TTLL7: variants seen among roughly 807,000 people sequenced by gnomAD.
TTLL7 encodes tubulin tyrosine ligase like 7, also known as tubulin polyglutamylase TTLL7.
In TTLL7, 53 loss-of-function variants were observed where a neutral mutation model predicts 120.2. The ratio of observed to expected loss-of-function variants is 0.44; its 90% CI spans 0.35 to 0.55. TTLL7 has a LOEUF of 0.55. TTLL7 is among the 20% of genes least tolerant of loss of function. The pLI, the probability that TTLL7 is intolerant of heterozygous loss-of-function variation, is 0.00. For synonymous variants in TTLL7, 353 were observed against 351.7 expected (o/e 1.00, Z -0.04); for missense variants, 803 against 1,054.7 (o/e 0.76, Z 3.31).
At chr1:83,977,592 T>A (rs1208189535) in intron 1 of TTLL7, among the ~76,000 whole-genome samples, 2 of 152,156 alleles carry the variant, frequency 1.3e-5, no homozygotes, top group African/African-American at 2.4e-5. Context: ...ACATCTCTAA[T>A]TCATCTCAGG....
At chr1:83,877,303 A>T (rs1409010229) in intron 20 of TTLL7, among the ~76,000 whole-genome samples, 1 of 151,950 alleles carries the variant, frequency 6.6e-6, no homozygotes, top group African/African-American at 2.4e-5. Flanking sequence ...GGAGTTTTGC[A>T]TCTATGTTTA....
At chr1:83,870,127 A>T (rs1653216655) in intron 20 of TTLL7, 45 bp from the exon 21 acceptor site, 1 of 1,515,200 alleles carries the variant, frequency 6.6e-7, no homozygotes, top group Non-Finnish European at 8.8e-7. Context: ...AGCAAATTAT[A>T]ACTAACTCAC....
chr1:83,988,432 CTGTTT>C (rs1221645037), intron 1 of TTLL7, among the ~76,000 whole-genome samples: 2 of 152,072 alleles, frequency 1.3e-5, no homozygotes, highest in Non-Finnish European at 2.9e-5. Flanking sequence ...AATAGTAGTT[CTGTTT>C]TAAGTTATTT....
intron 19 of TTLL7, among the ~76,000 whole-genome samples, chr1:83,886,722 TC>T (rs1655005931): frequency 6.6e-6 from 1 of 151,874 alleles, no homozygotes; most frequent in Non-Finnish European, 1.5e-5. Context: ...GATGGGGCTT[TC>T]CCAAACCATG....
intron 15 of TTLL7, among the ~76,000 whole-genome samples, chr1:83,909,060 T>C (rs977332511): frequency 8.6e-5 from 13 of 151,836 alleles, no homozygotes; most frequent in African/African-American, 3.1e-4. Context: ...TCAATCTTTT[T>C]TTTTTTTTTA....
chr1:83,992,261 C>T (rs1653068553), intron 1 of TTLL7, among the ~76,000 whole-genome samples: 1 of 151,940 alleles, frequency 6.6e-6, no homozygotes, highest in African/African-American at 2.4e-5. Context: ...GTCTATTTCC[C>T]TATCATTATT....
Position 83,917,690 on chromosome 1 carries a change from C to T in TTLL7, c.1501G>A (p.Glu501Lys). The stretch of plus-strand genomic sequence containing the variant: ...TCCAGAAGATCCAAAATATCTTCTT[C>T]CTTCAAAAAATATTCTAATTAAAAT... ...ELNNPLKRMKEEDILDLLEQC... is the reference protein window; with the variant it reads ...ELNNPLKRMKKEDILDLLEQC... The change falls in exon 14 of 21, where the codon GAA (glutamate) becomes AAA (lysine). Residue 501 changes from glutamate to lysine, a missense_variant and splice_region_variant. By Grantham distance (56) the Glu-to-Lys change is moderately conservative. This residue lies in a region of TTLL7 where 324 missense variants were observed against 507.7 expected (regional missense o/e 0.64). Coordinates refer to ENST00000260505, the MANE Select transcript of TTLL7 (RefSeq NM_024686.6). 1 of 1,602,266 alleles carries T rather than the reference C, an allele frequency of 6.2e-7. No homozygotes were observed. Among genetic ancestry groups the T allele is most frequent in the Non-Finnish European group, 8.5e-7 (1 of 1,170,258 alleles).
intron 18 of TTLL7, among the ~76,000 whole-genome samples, chr1:83,901,597 G>C (rs1314913875): frequency 6.6e-6 from 1 of 151,836 alleles, no homozygotes; most frequent in Non-Finnish European, 1.5e-5. Flanking sequence ...ATTAATCGAA[G>C]CCAAAGTCAG....
intron 10 of TTLL7, among the ~76,000 whole-genome samples, chr1:83,925,194 G>A (rs1311845267): frequency 6.6e-6 from 1 of 152,124 alleles, no homozygotes; most frequent in African/African-American, 2.4e-5. Context: ...CTGGGGCCCT[G>A]TATATCAAAT....
At chr1:83,929,109 G>A (rs12094835) in intron 10 of TTLL7, 27 bp downstream of exon 10, 155,078 of 1,490,128 alleles carry the variant, frequency 0.1, 8,548 homozygotes, top group Middle Eastern at 0.13. Context: ...GGAGATAAAT[G>A]TCCAAAAGAT....
rs763524877 is a variant in TTLL7, at chr1:83,904,156, T to C, written c.2131A>G (p.Ile711Val). The C allele has an allele frequency of 1.7e-5, 28 of 1,610,642 alleles. No homozygotes were observed. The highest frequency in any genetic ancestry group is 4.0e-5 in the African/African-American group (3 of 74,772). Residue 711 changes from isoleucine (I) to valine (V), a missense_variant, in exon 18 of 21, where the codon ATT (isoleucine) becomes GTT (valine). Around this residue, in one of 3 missense-constraint regions of TTLL7, gnomAD observed 388 missense variants for 450.4 expected, o/e 0.86. Transcript: ENST00000260505. The part of the protein sequence containing the change: ...AESELLIEDI[I>V]DNWKYHKTKV... ...GTTTTATGATACTTCCAGTTATCAA[T>C]GATCTGTTTGGAAGGAGGAACATTA...
At position 83,947,277 on chromosome 1, in the gene TTLL7, A is replaced by T; in HGVS notation, c.353T>A (p.Ile118Asn). 6.3e-7 allele frequency: 1 copy of T among 1,597,786 alleles called. No individual in the cohort carries two copies. The highest frequency in any genetic ancestry group is 8.5e-7 in the Non-Finnish European group (1 of 1,174,966). The change falls in exon 6 of 21, where the codon ATC becomes AAC. Residue 118 changes from isoleucine to asparagine, a missense_variant. Physicochemically the swap from Ile to Asn is moderately radical, Grantham distance 149 (BLOSUM62 -3). Transcript: ENST00000260505. The part of the protein sequence containing the change: ...DFLARNMTKM[I>N]KSRPLDYTFV... ...GGTATAATCCAGAGGCCGAGACTTGATCATTCTGTAAATTGGACATAATAG... is the reference window on the plus strand; with the variant it reads ...GGTATAATCCAGAGGCCGAGACTTGTTCATTCTGTAAATTGGACATAATAG...
At chr1:83,954,096 G>A (rs895434703) in intron 1 of TTLL7, among the ~76,000 whole-genome samples, 2 of 152,098 alleles carry the variant, frequency 1.3e-5, no homozygotes, top group Non-Finnish European at 1.5e-5. Flanking sequence ...CCAACATCTT[G>A]TTACTGGAGT....
chr1:83,959,248 A>C (rs982714621), intron 1 of TTLL7, among the ~76,000 whole-genome samples: 5 of 152,170 alleles, frequency 3.3e-5, no homozygotes, highest in Admixed American at 1.3e-4. Context: ...CCTCCAAGTG[A>C]ATCTGATGCA....
chr1:83,947,512 A>C, intron 5 of TTLL7: 1 of 421,756 alleles, frequency 2.4e-6, no homozygotes, highest in Middle Eastern at 6.2e-4. Context: ...TTGCCCTAAT[A>C]TGTACTAATT....
At chr1:83,908,180 C>T (rs1657367562) in intron 15 of TTLL7, among the ~76,000 whole-genome samples, 1 of 152,036 alleles carries the variant, frequency 6.6e-6, no homozygotes, top group Non-Finnish European at 1.5e-5. Context: ...TACCATGATG[C>T]TATCCACTAT....
Position 83,869,857 on chromosome 1 carries a change from T to G in TTLL7, c.*105A>C. The G allele has an allele frequency of 7.7e-7, 1 of 1,304,148 alleles. No individual in the cohort carries two copies. The highest frequency in any genetic ancestry group is 1.1e-6 in the Non-Finnish European group (1 of 944,876). The allele number at this position is 1,304,148 out of a possible 1,614,324, so 80.8% of individuals were successfully genotyped here. A position where few individuals can be genotyped will look rare whatever the true frequency, so the allele number is the denominator to read the frequency against. The stretch of plus-strand genomic sequence containing the variant: ...TATTTTCACACATATATATGTCTTA[T>G]ATACATAAAACAGCACTTAATGGTC... On this transcript the variant is annotated 3_prime_UTR_variant, in exon 21 of 21. Transcript: ENST00000260505.
Position 83,942,553 on chromosome 1 carries a change from T to C in TTLL7, c.633A>G (p.Thr211=), listed in dbSNP as rs1648079880. The C allele has an allele frequency of 6.2e-7, 1 of 1,614,092 alleles. No homozygotes were observed. Among genetic ancestry groups the C allele is most frequent in the South Asian group, 1.1e-5 (1 of 91,076 alleles). ...GAAATATTTTTAGTGGATCACACGA[T>C]GTAACCAGAATATAAATTCGTAAGT... ...KFDLRIYILV[T]SCDPLKIFLY... Residue 211 remains threonine, a synonymous_variant, in exon 7 of 21, where the codon ACA becomes ACG. Coordinates refer to ENST00000260505, the MANE Select transcript of TTLL7 (RefSeq NM_024686.6).
intron 10 of TTLL7, among the ~76,000 whole-genome samples, chr1:83,927,275 G>C (rs1659212606): frequency 6.6e-6 from 1 of 152,100 alleles, no homozygotes. Context: ...AAATCTAATT[G>C]AAAAGAAAAA....
Sources: gnomAD v4.1 joint callset for allele counts (sites outside exome capture counted in the v4.1 genomes callset) on GRCh38, gnomAD v4.1.1 for gene constraint, gnomAD v4.1.1 regional missense constraint, MANE v1.5 for transcripts, NCBI Gene and HGNC (gene_info 2026-07-23, HGNC 2026-07-21) for gene names.